STXBP5L: variants seen among roughly 807,000 people sequenced by gnomAD.
STXBP5L encodes syntaxin-binding protein 5-like.
Under a neutral mutation model 144.5 loss-of-function variants are expected in STXBP5L, and 65 were observed. The observed-to-expected ratio is 0.45, with a 90% CI of 0.37 to 0.55. STXBP5L has a LOEUF of 0.55. STXBP5L is among the 20% of genes least tolerant of loss of function. The pLI, the probability that STXBP5L is intolerant of heterozygous loss-of-function variation, is 0.00. For synonymous variants in STXBP5L, 505 were observed against 469.6 expected, an observed-to-expected ratio of 1.08 and a Z score of -0.97; for missense variants, 1,298 against 1,405.5, an observed-to-expected ratio of 0.92 and a Z score of 1.22.
rs547700119 is a variant in STXBP5L at position 121,071,191 on chromosome 3, G to T, written c.470+25656G>T. Among the ~76,000 whole-genome samples the T allele has an allele frequency of 1.8e-4, 27 of 152,286 alleles. 1 individual carries two copies. Among genetic ancestry groups the T allele is most frequent in the Middle Eastern group, 6.8e-3 (2 of 294 alleles). Reference sequence around the variant, plus strand: ...TATGATTAAGCTTATACTATGCACAGGCACCCTTCTAGGCAACAAGCTTGG... The same window carrying T: ...TATGATTAAGCTTATACTATGCACATGCACCCTTCTAGGCAACAAGCTTGG... On this transcript the variant is annotated intron_variant, in intron 5 of 26. Transcript: ENST00000471454.
At chr3:121,107,708 TC>T (rs2043779867) in intron 5 of STXBP5L, among the ~76,000 whole-genome samples, 1 of 151,034 alleles carries the variant, frequency 6.6e-6, no homozygotes, top group South Asian at 2.1e-4. Flanking sequence ...CTTTTTTGGC[TC>T]CATATGAATT....
At chr3:121,360,131 T>G (rs2108636501) in intron 20 of STXBP5L, among the ~76,000 whole-genome samples, 1 of 147,554 alleles carries the variant, frequency 6.8e-6, no homozygotes, top group East Asian at 2.0e-4. Context: ...CTTGCTGAAT[T>G]GACCCCTTCA....
chr3:121,309,210 G>C (rs1232979299), intron 19 of STXBP5L, among the ~76,000 whole-genome samples: 1 of 151,914 alleles, frequency 6.6e-6, no homozygotes, highest in Admixed American at 6.6e-5. Context: ...CATAGATTGT[G>C]AGACTTTTTT....
At chr3:121,071,502 G>T (rs1308177214) in intron 5 of STXBP5L, among the ~76,000 whole-genome samples, 3 of 152,174 alleles carry the variant, frequency 2.0e-5, no homozygotes, top group Non-Finnish European at 4.4e-5. Flanking sequence ...GGGTGGTCTT[G>T]GTTTTGTTGA....
Position 121,379,593 on chromosome 3 carries a change from A to C in STXBP5L, c.2347+707A>C, listed in dbSNP as rs115989454. On this transcript the variant is annotated intron_variant, in intron 21 of 26. Transcript: ENST00000471454. Reference sequence around the variant, plus strand: ...CTACTCCTGAAAACTTTTGACAGTGATCTATATTGGTCTTCAAATTTAAAA... The same window carrying C: ...CTACTCCTGAAAACTTTTGACAGTGCTCTATATTGGTCTTCAAATTTAAAA... Among the ~76,000 whole-genome samples, 490 of 152,286 alleles carry C rather than the reference A, an allele frequency of 3.2e-3. 2 individuals are homozygous for C. The highest frequency in any genetic ancestry group is 5.5e-3 in the Non-Finnish European group (377 of 68,024).
At chr3:121,191,068 G>T (rs1030198248) in intron 9 of STXBP5L, among the ~76,000 whole-genome samples, 3 of 151,614 alleles carry the variant, frequency 2.0e-5, no homozygotes, top group Non-Finnish European at 4.4e-5. Flanking sequence ...GGGTGGCCAG[G>T]CAGAGGGGCT....
intron 5 of STXBP5L, among the ~76,000 whole-genome samples, chr3:121,083,523 C>T (rs13323586): frequency 0.099 from 15,096 of 151,782 alleles, 1,181 homozygotes; most frequent in Admixed American, 0.2. Flanking sequence ...ATTAGCCAGA[C>T]GTGATGGCAG....
At chr3:121,167,561 A>G (rs749527699) in intron 9 of STXBP5L, among the ~76,000 whole-genome samples, 1 of 152,162 alleles carries the variant, frequency 6.6e-6, no homozygotes, top group African/African-American at 2.4e-5. Flanking sequence ...AAAGCCACCA[A>G]GAAGTTCAAA....
intron 5 of STXBP5L, among the ~76,000 whole-genome samples, chr3:121,058,295 A>G (rs1440680628): frequency 6.6e-6 from 1 of 152,086 alleles, no homozygotes; most frequent in Non-Finnish European, 1.5e-5. Flanking sequence ...TCCCTGCAAA[A>G]GACATGAACT....
intron 20 of STXBP5L, among the ~76,000 whole-genome samples, chr3:121,337,259 CA>C (rs2044539579): frequency 6.6e-6 from 1 of 151,534 alleles, no homozygotes; most frequent in Non-Finnish European, 1.5e-5. Context: ...AAAAGTTAAA[CA>C]AAAAAATTAA....
At chr3:120,916,047 A>G (rs1044320856) in intron 2 of STXBP5L, among the ~76,000 whole-genome samples, 57 of 152,302 alleles carry the variant, frequency 3.7e-4, no homozygotes, top group African/African-American at 1.4e-3. Flanking sequence ...CTATAATAAG[A>G]ATGAAATAAT....
chr3:120,934,036 G>A (rs1710114900), intron 2 of STXBP5L, among the ~76,000 whole-genome samples: 1 of 148,032 alleles, frequency 6.8e-6, no homozygotes, highest in Non-Finnish European at 1.5e-5. Flanking sequence ...TTTGCCCTTC[G>A]TATTCTCTCT....
At chr3:121,273,501 C>T (rs2050789477) in intron 18 of STXBP5L, among the ~76,000 whole-genome samples, 1 of 151,948 alleles carries the variant, frequency 6.6e-6, no homozygotes, top group Non-Finnish European at 1.5e-5. Context: ...TGGATTGAAT[C>T]TGTTTGGGAA....
At chr3:121,371,940 A>G (rs2046043946) in intron 20 of STXBP5L, among the ~76,000 whole-genome samples, 1 of 152,198 alleles carries the variant, frequency 6.6e-6, no homozygotes, top group African/African-American at 2.4e-5. Flanking sequence ...CAGTAGTGTC[A>G]TGACAGGGTG....
intron 3 of STXBP5L, among the ~76,000 whole-genome samples, chr3:120,980,371 G>T (rs1941622909): frequency 6.6e-6 from 1 of 150,558 alleles, no homozygotes; most frequent in Non-Finnish European, 1.5e-5. Context: ...TTCTGGTAGT[G>T]TTTGTTTTAT....
intron 20 of STXBP5L, among the ~76,000 whole-genome samples, chr3:121,355,967 A>C (rs567965500): frequency 1.3e-5 from 2 of 152,070 alleles, no homozygotes; most frequent in African/African-American, 4.8e-5. Flanking sequence ...GGTCTGTTGG[A>C]GTTTGCTGGA....
At chr3:120,980,363 C>T (rs979614010) in intron 3 of STXBP5L, among the ~76,000 whole-genome samples, 2 of 151,342 alleles carry the variant, frequency 1.3e-5, no homozygotes, top group Non-Finnish European at 2.9e-5. Context: ...TCTCTTAGTT[C>T]TGGTAGTGTT....
intron 20 of STXBP5L, among the ~76,000 whole-genome samples, chr3:121,338,666 A>C (rs1294062542): frequency 6.6e-6 from 1 of 151,644 alleles, no homozygotes; most frequent in Non-Finnish European, 1.5e-5. Context: ...AAGAGAAAGA[A>C]AAAAAGAAAG....
At position 120,977,225 on chromosome 3, in the gene STXBP5L, G is replaced by C. The variant is rs529263623; in HGVS notation, c.287+22188G>C. 2.3e-4 allele frequency among the ~76,000 whole-genome samples: 35 copies of C among 152,276 alleles called. 2 individuals carry two copies. In the South Asian group the frequency reaches 6.2e-3, roughly 27 times the overall value. On this transcript the variant is annotated intron_variant, in intron 3 of 26. Transcript: ENST00000471454. ...AAGGACTTGCTTCATGAATCTGGGT[G>C]CTCCTGTATTGGGTGCATATATATT...
Sources: gnomAD v4.1 joint callset for allele counts (sites outside exome capture counted in the v4.1 genomes callset) on GRCh38, gnomAD v4.1.1 for gene constraint, MANE v1.5 for transcripts, NCBI Gene and HGNC (gene_info 2026-07-23, HGNC 2026-07-21) for gene names.